The following CLEC17A variants were observed in gnomAD, a reference collection of about 807,000 sequenced individuals.
CLEC17A encodes the protein C-type lectin domain family 17, member A.
CLEC17A carries 37 observed loss-of-function variants against 61.3 expected under a neutral mutation model. The observed-to-expected ratio is 0.60, with a 90% CI of 0.46 to 0.79. CLEC17A has a LOEUF of 0.79. CLEC17A is among the 30% of genes least tolerant of loss of function. The probability of loss-of-function intolerance (pLI) is 0.00; values close to 1 mark genes in which losing one functional copy is unlikely to be tolerated. For synonymous variants in CLEC17A, 168 were observed against 164.9 expected (o/e 1.02, Z -0.14); for missense variants, 418 against 464.7 (o/e 0.90, Z 0.92).
chr19:14,587,602 T>C lies in CLEC17A; in HGVS notation c.122-12T>C. The C allele has an allele frequency of 6.3e-7, 1 of 1,582,426 alleles. No homozygotes were observed. Among genetic ancestry groups the C allele is most frequent in the Non-Finnish European group, 8.6e-7 (1 of 1,163,988 alleles). ...GGAATGGCTGGGCTCTGACTTGCCT[T>C]TCCCCTGGAAGGGACCATGGAGGAG... On this transcript the variant is annotated splice_polypyrimidine_tract_variant and intron_variant, in intron 2 of 13. Coordinates refer to ENST00000417570, the MANE Select transcript of CLEC17A (RefSeq NM_001204118.2).
chr19:14,591,299 C>T (rs1316348584), intron 3 of CLEC17A, among the ~76,000 whole-genome samples: 4 of 150,848 alleles, frequency 2.7e-5, no homozygotes, highest in African/African-American at 9.8e-5. Context: ...GGACCACAGG[C>T]GCCCGCCACC....
chr19:14,587,458 C>A (rs1268752372), intron 2 of CLEC17A, among the ~76,000 whole-genome samples, 156 bp from the exon 3 acceptor site: 2 of 152,098 alleles, frequency 1.3e-5, no homozygotes, highest in African/African-American at 4.8e-5. Context: ...CCAGACCCAC[C>A]AGGTAAGGCC....
chr19:14,611,043 G>C lies in CLEC17A; in HGVS notation c.*847G>C, dbSNP rs1453879389. ...AACAAAAGCTTTGAAAGTGGTGACA[G>C]AAAAATTTCCCTTTGAGCTAGACCT... On this transcript the variant is annotated 3_prime_UTR_variant, in exon 14 of 14. Coordinates refer to ENST00000417570, the MANE Select transcript of CLEC17A (RefSeq NM_001204118.2). The C allele has an allele frequency of 6.7e-6, 1 of 148,768 alleles. No individual in the cohort carries two copies. Among genetic ancestry groups the C allele is most frequent in the Non-Finnish European group, 1.5e-5 (1 of 67,508 alleles). The allele number at this position is 148,768 out of a possible 1,614,324, so 9.2% of individuals were successfully genotyped here.
At chr19:14,599,533 C>A in intron 10 of CLEC17A, 184 bp from the exon 11 acceptor site, 1 of 674,864 alleles carries the variant, frequency 1.5e-6, no homozygotes. Flanking sequence ...TTGATCCCTC[C>A]TCTGAGCCAT....
rs149881553 is a variant in CLEC17A at position 14,600,325 on chromosome 19, A to T, written c.894+143A>T. 52 of 1,010,252 alleles carry T rather than the reference A, an allele frequency of 5.1e-5. No homozygotes were observed. In the East Asian group the frequency reaches 8.8e-4, roughly 17 times the overall value. 62.6% of individuals were successfully genotyped at this position (1,010,252 alleles called of 1,614,324 possible). A position where few individuals can be genotyped will look rare whatever the true frequency, so the allele number is the denominator to read the frequency against. On this transcript the variant is annotated intron_variant, in intron 12 of 13. Coordinates refer to ENST00000417570, the MANE Select transcript of CLEC17A (RefSeq NM_001204118.2). The stretch of plus-strand genomic sequence containing the variant: ...AAAACTTTAACAGCAAGCTCTTCCT[A>T]AGGTAGTATCATGCAGAGGTTAAGA...
rs1419314041 is a variant in CLEC17A, at chr19:14,599,567, T to C, written c.647-150T>C. 4.2e-6 allele frequency: 3 copies of C among 707,636 alleles called. No individual in the cohort carries two copies. The East Asian group carries it at 8.1e-5, about 19-fold the overall frequency. The allele number at this position is 707,636 out of a possible 1,614,324, so 43.8% of individuals were successfully genotyped here. A position where few individuals can be genotyped will look rare whatever the true frequency, so the allele number is the denominator to read the frequency against. Reference sequence around the variant, plus strand: ...ATTCTCGGATTCTGAGCACTGTACATGTGGTTTTTGAGCGCAAGCGTGACC... The same window carrying C: ...ATTCTCGGATTCTGAGCACTGTACACGTGGTTTTTGAGCGCAAGCGTGACC... On this transcript the variant is annotated intron_variant, in intron 10 of 13. Transcript: ENST00000417570.
At chr19:14,583,519 A>T in intron 2 of CLEC17A, 85 bp downstream of exon 2, 1 of 1,581,690 alleles carries the variant, frequency 6.3e-7, no homozygotes, top group Non-Finnish European at 8.6e-7. Flanking sequence ...GTAGACACAT[A>T]GTCAGTCTCC....
intron 3 of CLEC17A, among the ~76,000 whole-genome samples, chr19:14,589,677 A>G (rs1257994191): frequency 6.7e-6 from 1 of 148,636 alleles, no homozygotes; most frequent in Non-Finnish European, 1.5e-5. Flanking sequence ...TGACTGTGGT[A>G]GTCAGCCTTC....
chr19:14,587,206 A>C (rs989648686), intron 2 of CLEC17A, among the ~76,000 whole-genome samples: 10 of 150,268 alleles, frequency 6.7e-5, no homozygotes, highest in African/African-American at 2.5e-4. Context: ...TGTTTCTTCT[A>C]TGTGTGAGTC....
In CLEC17A at chr19:14,598,537, G is replaced by A. The variant is rs144206891; in HGVS notation, c.647-1180G>A. ...TGCCCAGGCCGGAGTACAGTGGCGC[G>A]ATCTCAGCTCACTGCAACCTCCCCC... On this transcript the variant is annotated intron_variant, in intron 10 of 13. Transcript: ENST00000417570. Among the ~76,000 whole-genome samples the A allele has an allele frequency of 2.8e-3, 424 of 151,658 alleles. 3 individuals carry two copies. Among genetic ancestry groups the A allele is most frequent in the Admixed American group, 5.3e-3 (81 of 15,154 alleles).
At chr19:14,601,225 G>A (rs767348178) in intron 12 of CLEC17A, among the ~76,000 whole-genome samples, 27 of 152,136 alleles carry the variant, frequency 1.8e-4, no homozygotes, top group Non-Finnish European at 2.8e-4. Context: ...TTTATGCTGC[G>A]GTAACAGACA....
At chr19:14,591,714 T>C (rs1457080290) in intron 3 of CLEC17A, among the ~76,000 whole-genome samples, 1 of 151,958 alleles carries the variant, frequency 6.6e-6, no homozygotes, top group Non-Finnish European at 1.5e-5. Flanking sequence ...CCATCATGCC[T>C]GGCTAGTTTT....
In CLEC17A at chr19:14,594,808, G is replaced by A; in HGVS notation, c.403+8G>A. On this transcript the variant is annotated splice_region_variant and intron_variant, in intron 7 of 13. Coordinates refer to ENST00000417570, the MANE Select transcript of CLEC17A (RefSeq NM_001204118.2). ...GTCCACCTCCTCAACTGGGTGAGCA[G>A]TGGGAAGACCCTTTAAGATGCCTAA... The A allele has an allele frequency of 6.2e-7, 1 of 1,613,228 alleles. No homozygotes were observed. Among genetic ancestry groups the A allele is most frequent in the Non-Finnish European group, 8.5e-7 (1 of 1,179,410 alleles).
At chr19:14,589,945 T>C (rs2074371376) in intron 3 of CLEC17A, among the ~76,000 whole-genome samples, 2 of 132,368 alleles carry the variant, frequency 1.5e-5, no homozygotes, top group Admixed American at 1.6e-4. Flanking sequence ...GCCATGTGAG[T>C]GCATCATCTT....
chr19:14,599,717 T>G lies in CLEC17A; in HGVS notation c.647T>G (p.Met216Arg). 2 of 1,612,828 alleles carry G rather than the reference T, an allele frequency of 1.2e-6. No individual in the cohort carries two copies. Among genetic ancestry groups the G allele is most frequent in the Non-Finnish European group, 8.5e-7 (1 of 1,178,900 alleles). The part of the protein sequence containing the change: ...SFQQMTWRTN[M>R]TGMAGLAGLK... ...CCCTCAAGCCCATCCCTTCTGACAGTGACTGGCATGGCAGGGCTAGCTGGC... is the reference window on the plus strand; with the variant it reads ...CCCTCAAGCCCATCCCTTCTGACAGGGACTGGCATGGCAGGGCTAGCTGGC... Residue 216 changes from methionine (M) to arginine (R), a missense_variant and splice_region_variant, in exon 11 of 14, where the codon ATG becomes AGG. By Grantham distance (91) the Met-to-Arg change is moderately conservative. Transcript: ENST00000417570.
chr19:14,581,249 A>G (rs1245833473), upstream of CLEC17A, among the ~76,000 whole-genome samples: 2 of 152,190 alleles, frequency 1.3e-5, no homozygotes, highest in Non-Finnish European at 2.9e-5. Flanking sequence ...CTTGGGGTAC[A>G]TATTAGTTTC....
intron 8 of CLEC17A, among the ~76,000 whole-genome samples, chr19:14,596,417 T>G (rs1054349734): frequency 6.6e-6 from 1 of 152,032 alleles, no homozygotes; most frequent in African/African-American, 2.4e-5. Flanking sequence ...GATCTCTTGA[T>G]GCCAGGAGTT....
At chr19:14,586,048 T>A (rs887980237) in intron 2 of CLEC17A, among the ~76,000 whole-genome samples, 1 of 152,154 alleles carries the variant, frequency 6.6e-6, no homozygotes, top group Non-Finnish European at 1.5e-5. Context: ...ATCCCATTGC[T>A]CTGTTTTATT....
intron 8 of CLEC17A, 53 bp downstream of exon 8, chr19:14,595,368 C>A: frequency 6.3e-7 from 1 of 1,591,746 alleles, no homozygotes; most frequent in Admixed American, 1.7e-5. Context: ...CTGATTGAGA[C>A]CTATGGCTCT....
Sources: gnomAD v4.1 joint callset for allele counts (sites outside exome capture counted in the v4.1 genomes callset) on GRCh38, gnomAD v4.1.1 for gene constraint, MANE v1.5 for transcripts, NCBI Gene and HGNC (gene_info 2026-07-23, HGNC 2026-07-21) for gene names.